Variants in KIF13B observed in about 807,000 individuals in gnomAD.
KIF13B encodes the protein kinesin-like protein KIF13B.
In KIF13B, 127 loss-of-function variants were observed where a neutral mutation model predicts 222.0. The observed-to-expected ratio is 0.57, with a 90% CI of 0.50 to 0.66. The LOEUF is 0.66. Among genes scored for constraint, KIF13B ranks in the 30% least tolerant of loss-of-function variants. The probability of loss-of-function intolerance (pLI) is 0.00; values close to 1 mark genes in which losing one functional copy is unlikely to be tolerated. For missense variants in KIF13B, 2,173 were observed against 2,379.0 expected, an observed-to-expected ratio of 0.91 and a Z score of 1.80; for synonymous variants, 976 against 919.0, an observed-to-expected ratio of 1.06 and a Z score of -1.12.
chr8:29,113,253 A>C (rs892949093), intron 32 of KIF13B, among the ~76,000 whole-genome samples: 2 of 152,232 alleles, frequency 1.3e-5, no homozygotes, highest in Non-Finnish European at 2.9e-5. Context: ...TTTTCAAAAG[A>C]AAGTTCTTCA....
At chr8:29,156,071 C>T (rs562904173) in intron 13 of KIF13B, among the ~76,000 whole-genome samples, 73 of 152,238 alleles carry the variant, frequency 4.8e-4, no homozygotes, top group African/African-American at 1.3e-3. Context: ...CAGGTTCAAG[C>T]GATTCTCCTG....
chr8:29,197,968 C>G (rs1813515699), intron 2 of KIF13B, among the ~76,000 whole-genome samples: 2 of 152,182 alleles, frequency 1.3e-5, no homozygotes, highest in Admixed American at 6.5e-5. Flanking sequence ...GGGCCTGAAA[C>G]CTGAAAGGAA....
chr8:29,126,043 C>T (rs944645061), intron 26 of KIF13B, among the ~76,000 whole-genome samples: 2 of 151,418 alleles, frequency 1.3e-5, no homozygotes, highest in Admixed American at 1.3e-4. Flanking sequence ...GCCGAGATGG[C>T]GCTATTGCAC....
At chr8:29,164,912 A>C (rs1811926577) in intron 12 of KIF13B, among the ~76,000 whole-genome samples, 1 of 150,756 alleles carries the variant, frequency 6.6e-6, no homozygotes, top group Non-Finnish European at 1.5e-5. Context: ...CAGTGGCACG[A>C]TCTCAGTTCA....
chr8:29,224,463 T>C (rs1586950179), intron 2 of KIF13B, among the ~76,000 whole-genome samples: 1 of 152,300 alleles, frequency 6.6e-6, no homozygotes, highest in Non-Finnish European at 1.5e-5. Flanking sequence ...AAAGTTGTGT[T>C]GAATGTAAAC....
rs1426937926 is a variant in KIF13B, at chr8:29,147,414, A to C, written c.2002T>G (p.Leu668Val). 1.2e-6 allele frequency: 2 copies of C among 1,607,904 alleles called. No homozygotes were observed. Among genetic ancestry groups the C allele is most frequent in the South Asian group, 2.2e-5 (2 of 89,678 alleles). Reference protein sequence around the residue: ...SFHSPSAQQRLRQWAEEREAT... With the variant: ...SFHSPSAQQRVRQWAEEREAT... ...TACCTCTCCTCAGCCCACTGTCTTA[A>C]GCGTTGCTGAGCGCTGGGCGAGTGG... is the stretch of plus-strand genomic sequence containing the variant. Residue 668 changes from leucine to valine, a missense_variant, in exon 17 of 40, where the codon TTA (leucine) becomes GTA (valine). Leu to Val is a conservative substitution (Grantham distance 32). This residue lies in a region of KIF13B where 1,480 missense variants were observed against 1,722.8 expected (regional missense o/e 0.86). Coordinates refer to ENST00000524189, the MANE Select transcript of KIF13B (RefSeq NM_015254.4).
chr8:29,095,055 G>C lies in KIF13B; in HGVS notation c.4325-2177C>G, dbSNP rs565019429. Among the ~76,000 whole-genome samples the C allele has an allele frequency of 2.0e-5, 3 of 151,506 alleles. No homozygotes were observed. In the South Asian group the frequency reaches 6.3e-4, roughly 32 times the overall value. On this transcript the variant is annotated intron_variant, in intron 36 of 39. Coordinates refer to ENST00000524189, the MANE Select transcript of KIF13B (RefSeq NM_015254.4). ...CTATGAGTAATTAGATTCTCAGAAA[G>C]AGCAGAGAGAAAAGGATGGGGGAAA...
intron 3 of KIF13B, among the ~76,000 whole-genome samples, chr8:29,193,777 G>A (rs1813292429): frequency 6.6e-6 from 1 of 152,156 alleles, no homozygotes; most frequent in Non-Finnish European, 1.5e-5. Context: ...CTAAGACAAA[G>A]TAGATGCTAT....
chr8:29,155,937 T>C (rs1811503023), intron 13 of KIF13B, 81 bp from the exon 14 acceptor site: 4 of 1,150,522 alleles, frequency 3.5e-6, no homozygotes, highest in Non-Finnish European at 3.8e-6. Context: ...AGCCCTCTTA[T>C]ATTGTCCTAT....
intron 22 of KIF13B, among the ~76,000 whole-genome samples, chr8:29,132,932 T>C (rs1431209682): frequency 6.6e-6 from 1 of 152,196 alleles, no homozygotes; most frequent in Non-Finnish European, 1.5e-5. Context: ...AAGATCTAAT[T>C]TGTGAAAATT....
chr8:29,084,638 C>G (rs1468299397), intron 37 of KIF13B, among the ~76,000 whole-genome samples: 1 of 152,170 alleles, frequency 6.6e-6, no homozygotes, highest in Non-Finnish European at 1.5e-5. Flanking sequence ...CCCTTTAATT[C>G]TCCAGATTCA....
chr8:29,143,824 C>G (rs140108399), intron 18 of KIF13B, among the ~76,000 whole-genome samples: 1 of 151,656 alleles, frequency 6.6e-6, no homozygotes, highest in Admixed American at 6.6e-5. Context: ...GCCTGGGCAA[C>G]AAAGCAAGAC....
intron 36 of KIF13B, among the ~76,000 whole-genome samples, chr8:29,093,212 T>C (rs1328892235): frequency 6.6e-6 from 1 of 152,228 alleles, no homozygotes. Flanking sequence ...GGATTGGTTT[T>C]TAAGTCACAC....
chr8:29,105,143 T>A (rs540860106), intron 35 of KIF13B, among the ~76,000 whole-genome samples: 43 of 151,540 alleles, frequency 2.8e-4, no homozygotes, highest in African/African-American at 9.9e-4. Flanking sequence ...ATTTTTTAAA[T>A]TTTTTTTTGC....
At chr8:29,095,507 C>CTA (rs1252429588) in intron 36 of KIF13B, among the ~76,000 whole-genome samples, 4 of 152,370 alleles carry the variant, frequency 2.6e-5, no homozygotes, top group Middle Eastern at 3.4e-3. Flanking sequence ...TGGCTCACGC[C>CTA]TGTAATCCCA....
intron 24 of KIF13B, among the ~76,000 whole-genome samples, chr8:29,128,656 G>A (rs1810217946): frequency 2.0e-5 from 3 of 152,158 alleles, no homozygotes; most frequent in East Asian, 1.9e-4. Context: ...GGTGAAGTGC[G>A]CACTTGAAGG....
At chr8:29,098,641 A>C (rs952794503) in intron 36 of KIF13B, among the ~76,000 whole-genome samples, 1 of 151,872 alleles carries the variant, frequency 6.6e-6, no homozygotes, top group Non-Finnish European at 1.5e-5. Flanking sequence ...CATAATTTAA[A>C]ATCTCCCCAC....
rs1809105462 is a variant in KIF13B, at chr8:29,107,062, G to A, written c.4215+1077C>T. On this transcript the variant is annotated intron_variant, in intron 35 of 39. Transcript: ENST00000524189. ...TTTTGAAAAAGAATGAGTTCTCCAT[G>A]CTTAAAACTCTGCTAAACAGGGAAG... Among the ~76,000 whole-genome samples the A allele has an allele frequency of 2.0e-5, 3 of 152,332 alleles. 1 individual carries two copies. The South Asian group carries it at 6.2e-4, about 32-fold the overall frequency.
At chr8:29,081,750 C>T (rs563995239) in intron 37 of KIF13B, among the ~76,000 whole-genome samples, 37 of 152,290 alleles carry the variant, frequency 2.4e-4, no homozygotes, top group Middle Eastern at 3.4e-3. Context: ...ACATGGCTCG[C>T]ATTATGTATC....
Sources: allele counts gnomAD v4.1 joint callset (sites outside exome capture counted in the v4.1 genomes callset), GRCh38; gene constraint gnomAD v4.1.1; regional missense constraint gnomAD v4.1.1; transcripts MANE v1.5; gene names NCBI Gene and HGNC (gene_info 2026-07-23, HGNC 2026-07-21).